Variants in XKR9 observed in about 807,000 individuals in gnomAD.
XKR9 encodes the protein XK-related protein 9.
In XKR9, 32 loss-of-function variants were observed where a neutral mutation model predicts 32.0. The observed-to-expected ratio is 1.00, with a 90% CI of 0.76 to 1.34. The LOEUF is 1.34. Ranked by LOEUF, XKR9 falls within the 40% of genes most tolerant of loss-of-function variation. XKR9 has a pLI of 0.00. For missense variants in XKR9, 546 were observed against 429.7 expected (o/e 1.27, Z -2.39); for synonymous variants, 168 against 143.4 (o/e 1.17, Z -1.22).
chr8:70,756,510 T>C (rs1214426903), intron 2 of XKR9, among the ~76,000 whole-genome samples: 6 of 152,240 alleles, frequency 3.9e-5, no homozygotes, highest in Non-Finnish European at 7.3e-5. Flanking sequence ...GAGATGTTTT[T>C]CCATTTATTT....
the XKR9 span, among the ~76,000 whole-genome samples, chr8:70,875,940 G>GA: frequency 1.7e-4 from 26 of 150,128 alleles, no homozygotes; most frequent in African/African-American, 3.9e-4. Context: ...AAATGTAGAG[G>GA]AAAAAAAAAC....
chr8:70,753,142 C>A (rs895380091), intron 2 of XKR9, among the ~76,000 whole-genome samples: 1 of 152,210 alleles, frequency 6.6e-6, no homozygotes, highest in African/African-American at 2.4e-5. Context: ...AACACCTCTA[C>A]ACAAATAAAC....
chr8:70,801,938 CTTT>C, the XKR9 span, among the ~76,000 whole-genome samples: 3 of 142,480 alleles, frequency 2.1e-5, no homozygotes, highest in Non-Finnish European at 3.1e-5. Context: ...CTTTTTCTTT[CTTT>C]TTTTTTTTTT....
chr8:70,879,626 A>G, the XKR9 span, among the ~76,000 whole-genome samples: 1 of 152,286 alleles, frequency 6.6e-6, no homozygotes, highest in East Asian at 1.9e-4. Context: ...TGAATCTCTG[A>G]ATAGACCAAT....
the XKR9 span, among the ~76,000 whole-genome samples, chr8:71,019,585 T>G: frequency 6.6e-6 from 1 of 152,220 alleles, no homozygotes; most frequent in East Asian, 1.9e-4. Context: ...CACAGGTTGG[T>G]CTCAGAGCTA....
At chr8:70,905,564 A>T in the XKR9 span, among the ~76,000 whole-genome samples, 6 of 152,090 alleles carry the variant, frequency 3.9e-5, no homozygotes, top group African/African-American at 1.4e-4. Flanking sequence ...ATGAGTTCAG[A>T]CATCCTCCTT....
chr8:70,849,573 A>C, the XKR9 span, among the ~76,000 whole-genome samples: 1 of 152,226 alleles, frequency 6.6e-6, no homozygotes, highest in African/African-American at 2.4e-5. Context: ...AGCAAGTGCA[A>C]ACAAATTGAA....
intron 3 of XKR9, among the ~76,000 whole-genome samples, chr8:70,687,671 A>G (rs1819352028): frequency 6.6e-6 from 1 of 152,126 alleles, no homozygotes; most frequent in African/African-American, 2.4e-5. Flanking sequence ...TGCCCAGTCC[A>G]GTTCAAAATA....
At chr8:71,064,577 CCA>C in the XKR9 span, among the ~76,000 whole-genome samples, 1 of 151,924 alleles carries the variant, frequency 6.6e-6, no homozygotes, top group African/African-American at 2.4e-5. Context: ...GTTTTTTCTC[CCA>C]CATTCTTTAA....
the XKR9 span, among the ~76,000 whole-genome samples, chr8:70,876,737 C>T: frequency 6.6e-6 from 1 of 151,886 alleles, no homozygotes; most frequent in African/African-American, 2.4e-5. Context: ...ACTCAGAAAC[C>T]CTGAGTTTCT....
the XKR9 span, among the ~76,000 whole-genome samples, chr8:70,809,056 G>C: frequency 6.6e-6 from 1 of 152,218 alleles, no homozygotes; most frequent in East Asian, 1.9e-4. Context: ...AGTAGGGGCA[G>C]ACTGACACCT....
At chr8:71,051,541 G>A in the XKR9 span, among the ~76,000 whole-genome samples, 2 of 152,098 alleles carry the variant, frequency 1.3e-5, no homozygotes, top group Middle Eastern at 3.4e-3. Flanking sequence ...GTGTGTGTGT[G>A]TGTGTGTGTG....
At chr8:70,763,044 A>G (rs1284610994) in intron 2 of XKR9, among the ~76,000 whole-genome samples, 1 of 152,192 alleles carries the variant, frequency 6.6e-6, no homozygotes, top group Non-Finnish European at 1.5e-5. Flanking sequence ...TAGAGGATAT[A>G]AAAAATGATT....
At chr8:70,912,143 G>A in the XKR9 span, among the ~76,000 whole-genome samples, 2 of 152,120 alleles carry the variant, frequency 1.3e-5, no homozygotes, top group African/African-American at 4.8e-5. Flanking sequence ...AGTTTGGGGT[G>A]GGGGAGAATG....
the XKR9 span, among the ~76,000 whole-genome samples, chr8:70,961,299 C>A: frequency 6.6e-6 from 1 of 152,102 alleles, no homozygotes; most frequent in Admixed American, 6.5e-5. Flanking sequence ...ATACCATGGG[C>A]CTCTTAAGTG....
chr8:70,966,599 GT>G, the XKR9 span, among the ~76,000 whole-genome samples: 1 of 152,160 alleles, frequency 6.6e-6, no homozygotes, highest in African/African-American at 2.4e-5. Flanking sequence ...TGTTGTTTTT[GT>G]TTTGGGTGGA....
chr8:70,728,052 G>C (rs1351748634), intron 4 of XKR9, among the ~76,000 whole-genome samples: 3 of 152,114 alleles, frequency 2.0e-5, no homozygotes, highest in African/African-American at 7.2e-5. Context: ...CAAGAAAGAG[G>C]CTTGTTTTGG....
the XKR9 span, among the ~76,000 whole-genome samples, chr8:71,033,575 A>G: frequency 6.6e-6 from 1 of 152,160 alleles, no homozygotes; most frequent in South Asian, 2.1e-4. Context: ...TGTTTGGGTC[A>G]TTGAGGTGGA....
chr8:70,793,221 G>T (rs1429422105), downstream of XKR9, among the ~76,000 whole-genome samples: 1 of 151,986 alleles, frequency 6.6e-6, no homozygotes, highest in Non-Finnish European at 1.5e-5. Context: ...ACATGCTAGG[G>T]TTTGGGTGTT....
Sources: gnomAD v4.1 joint callset for allele counts (sites outside exome capture counted in the v4.1 genomes callset) on GRCh38, gnomAD v4.1.1 for gene constraint, MANE v1.5 for transcripts, NCBI Gene and HGNC (gene_info 2026-07-23, HGNC 2026-07-21) for gene names.